ABCB4: variants seen among roughly 807,000 people sequenced by gnomAD.
The protein encoded by ABCB4 is phosphatidylcholine translocator ABCB4.
Under a neutral mutation model 145.7 loss-of-function variants are expected in ABCB4, and 76 were observed. The ratio of observed to expected loss-of-function variants is 0.52; its 90% CI spans 0.43 to 0.63. The LOEUF (loss-of-function observed/expected upper bound fraction) is 0.63, where lower values mean the gene tolerates loss of function less well. Ranked by LOEUF, ABCB4 falls within the 30% of genes least tolerant of loss-of-function variation. The pLI is 0.00. For missense variants in ABCB4, 1,234 were observed against 1,553.1 expected (o/e 0.79, Z 3.45); for synonymous variants, 517 against 566.8 (o/e 0.91, Z 1.25).
chr7:87,373,567 G>A, the ABCB4 span, among the ~76,000 whole-genome samples: 15 of 152,056 alleles, frequency 9.9e-5, no homozygotes, highest in African/African-American at 3.6e-4. Context: ...TGGGAAGGGG[G>A]AGATAATGTT....
At chr7:87,440,764 T>C (rs1810926969) in intron 12 of ABCB4, among the ~76,000 whole-genome samples, 3 of 152,076 alleles carry the variant, frequency 2.0e-5, no homozygotes, top group Admixed American at 6.6e-5. Context: ...TTTTTTGAAA[T>C]GGAGTCTCGC....
the ABCB4 span, among the ~76,000 whole-genome samples, chr7:87,382,707 G>C: frequency 2.0e-5 from 3 of 152,138 alleles, no homozygotes; most frequent in Non-Finnish European, 4.4e-5. Context: ...TTTCTGATCT[G>C]TGGTGGTTTC....
At chr7:87,418,117 C>T (rs45519631) in intron 20 of ABCB4, among the ~76,000 whole-genome samples, 6,632 of 152,320 alleles carry the variant, frequency 0.044, 214 homozygotes, top group Middle Eastern at 0.085. Flanking sequence ...ACTCAGAACA[C>T]CACCATCCCC....
At chr7:87,421,052 C>G (rs1490933096) in intron 18 of ABCB4, among the ~76,000 whole-genome samples, 2 of 152,188 alleles carry the variant, frequency 1.3e-5, no homozygotes, top group Non-Finnish European at 2.9e-5. Flanking sequence ...GATTGGGGAA[C>G]AATCAGGGTA....
At chr7:87,407,903 G>T in intron 25 of ABCB4, 134 bp downstream of exon 25, 3 of 1,083,746 alleles carry the variant, frequency 2.8e-6, no homozygotes, top group Non-Finnish European at 4.1e-6. Flanking sequence ...GGTGCCAGTT[G>T]GGGTTTATAG....
the ABCB4 span, among the ~76,000 whole-genome samples, chr7:87,367,360 A>G: frequency 6.6e-6 from 1 of 152,164 alleles, no homozygotes; most frequent in Non-Finnish European, 1.5e-5. Context: ...TGGAAAAAGG[A>G]AGGAAACCAA....
At chr7:87,423,394 A>G (rs1022279451) in intron 17 of ABCB4, among the ~76,000 whole-genome samples, 1 of 152,142 alleles carries the variant, frequency 6.6e-6, no homozygotes, top group Non-Finnish European at 1.5e-5. Flanking sequence ...ACACTCTTAA[A>G]TGCTTTCCAG....
At chr7:87,428,887 A>G (rs958221615) in intron 15 of ABCB4, among the ~76,000 whole-genome samples, 2 of 152,222 alleles carry the variant, frequency 1.3e-5, no homozygotes, top group Non-Finnish European at 2.9e-5. Flanking sequence ...ATGACTTTCA[A>G]GTTTCTAGAA....
At chr7:87,409,115 A>C in intron 24 of ABCB4, 121 bp downstream of exon 24, 2 of 1,213,682 alleles carry the variant, frequency 1.6e-6, no homozygotes, top group Non-Finnish European at 2.4e-6. Context: ...TATAAATATT[A>C]CAAATTAAAT....
At chr7:87,442,372 T>G (rs1202157582) in intron 12 of ABCB4, among the ~76,000 whole-genome samples, 1 of 152,174 alleles carries the variant, frequency 6.6e-6, no homozygotes, top group Non-Finnish European at 1.5e-5. Context: ...TTTATGATTT[T>G]TGGTTTTGGC....
intron 14 of ABCB4, among the ~76,000 whole-genome samples, chr7:87,439,462 C>T (rs1810824664): frequency 6.6e-6 from 1 of 152,140 alleles, no homozygotes; most frequent in Non-Finnish European, 1.5e-5. Context: ...GATCTGGGCT[C>T]ACTGCACCAT....
chr7:87,419,108 G>T (rs1312157384), intron 19 of ABCB4, among the ~76,000 whole-genome samples: 1 of 152,298 alleles, frequency 6.6e-6, no homozygotes, highest in East Asian at 1.9e-4. Flanking sequence ...CTGATCTCCA[G>T]TTAGCCACAG....
At chr7:87,400,194 A>G (rs1452167233), downstream of ABCB4, among the ~76,000 whole-genome samples, 2 of 152,224 alleles carry the variant, frequency 1.3e-5, no homozygotes, top group Non-Finnish European at 2.9e-5. Context: ...CCAAGTCACA[A>G]GAGAAGTCCA....
chr7:87,372,077 C>T, the ABCB4 span, among the ~76,000 whole-genome samples: 484 of 149,754 alleles, frequency 3.2e-3, 2 homozygotes, highest in Middle Eastern at 7.0e-3. Context: ...CATTGTTGTT[C>T]GAATTGGCAT....
At chr7:87,412,364 TA>T (rs1272437389) in intron 22 of ABCB4, among the ~76,000 whole-genome samples, 1 of 152,218 alleles carries the variant, frequency 6.6e-6, no homozygotes. Context: ...CAAAAATACC[TA>T]AAATGTCAGG....
At position 87,472,645 on chromosome 7, in the gene ABCB4, C is replaced by T; in HGVS notation, c.111G>A (p.Val37=). 6.2e-7 allele frequency: 1 copy of T among 1,609,348 alleles called. No homozygotes were observed. Among genetic ancestry groups the T allele is most frequent in the Non-Finnish European group, 8.5e-7 (1 of 1,175,844 alleles). ...CCAATGTTAATACTCCAATCATTTT[C>T]ACTGTCTTCGTTTTTTTCCTTTTTT... ...SKQKRKKTKT[V]KMIGVLTLFR... Residue 37 remains valine, a synonymous_variant, in exon 3 of 28, where the codon GTG becomes GTA. Transcript: ENST00000649586.
At chr7:87,423,631 T>A (rs138790764) in intron 17 of ABCB4, 1 of 440,266 alleles carries the variant, frequency 2.3e-6, no homozygotes, top group Non-Finnish European at 4.2e-6. Flanking sequence ...TGGGGATCAT[T>A]GTCTGACACC....
chr7:87,369,470 G>A, the ABCB4 span: 17 of 1,610,258 alleles, frequency 1.1e-5, no homozygotes, highest in African/African-American at 4.0e-5. Context: ...TGGTCACCCC[G>A]CCAGAGCTTC....
intron 26 of ABCB4, chr7:87,405,881 G>A (rs1255340427): frequency 3.4e-6 from 1 of 295,726 alleles, no homozygotes; most frequent in Non-Finnish European, 6.5e-6. Flanking sequence ...CTGTATACTA[G>A]TTTTGCAAGA....
Sources: gnomAD v4.1 joint callset for allele counts (sites outside exome capture counted in the v4.1 genomes callset) on GRCh38, gnomAD v4.1.1 for gene constraint, MANE v1.5 for transcripts, NCBI Gene and HGNC (gene_info 2026-07-23, HGNC 2026-07-21) for gene names.